Variants in CTNND2 observed in about 807,000 individuals in gnomAD.
CTNND2 encodes catenin delta-2.
CTNND2 carries 22 observed loss-of-function variants against 144.4 expected under a neutral mutation model. The observed-to-expected ratio is 0.15, with a 90% CI of 0.11 to 0.22. CTNND2 has a LOEUF of 0.22. Ranked by LOEUF, CTNND2 falls within the 10% of genes least tolerant of loss-of-function variation. CTNND2 has a pLI of 1.00. For synonymous variants in CTNND2, 751 were observed against 695.6 expected (o/e 1.08, Z -1.25); for missense variants, 1,353 against 1,618.8 (o/e 0.84, Z 2.82).
At chr5:11,297,363 C>A (rs1159408126) in intron 9 of CTNND2, among the ~76,000 whole-genome samples, 1 of 152,184 alleles carries the variant, frequency 6.6e-6, no homozygotes, top group Non-Finnish European at 1.5e-5. Context: ...GTAGCCAGAT[C>A]TTCTTGATAT....
chr5:11,547,444 C>G (rs1004361746), intron 3 of CTNND2, among the ~76,000 whole-genome samples: 1 of 151,652 alleles, frequency 6.6e-6, no homozygotes, highest in Non-Finnish European at 1.5e-5. Flanking sequence ...AACATTAAAA[C>G]CAAGCATTCT....
At chr5:11,874,069 T>G (rs1020421010) in intron 1 of CTNND2, among the ~76,000 whole-genome samples, 1 of 150,176 alleles carries the variant, frequency 6.7e-6, no homozygotes, top group African/African-American at 2.4e-5. Context: ...CAGCCTTAGT[T>G]TGAGAGCAAA....
chr5:10,981,365 T>G (rs1189880297), intron 21 of CTNND2, among the ~76,000 whole-genome samples: 1 of 152,242 alleles, frequency 6.6e-6, no homozygotes, highest in African/African-American at 2.4e-5. Flanking sequence ...TTGGTAGTGA[T>G]CATGTATAAT....
rs1054430550 is a variant in CTNND2, at chr5:11,264,917, T to A, written c.1629-28094A>T. On this transcript the variant is annotated intron_variant, in intron 9 of 21. Transcript: ENST00000304623. ...CTGCACTCCAGCCTGGGTGACAGAG[T>A]AAGACCCCGTCTCATTAAAAAATAA... 1.1e-4 allele frequency among the ~76,000 whole-genome samples: 16 copies of A among 152,058 alleles called. 1 individual carries two copies. The highest frequency in any genetic ancestry group is 5.9e-4 in the Admixed American group (9 of 15,268).
intron 6 of CTNND2, among the ~76,000 whole-genome samples, chr5:11,395,910 T>G (rs1290695739): frequency 6.6e-6 from 1 of 152,224 alleles, no homozygotes; most frequent in African/African-American, 2.4e-5. Context: ...TGCATTCATT[T>G]TTTGGGGCCA....
At chr5:11,196,718 G>A (rs1736890998) in intron 11 of CTNND2, among the ~76,000 whole-genome samples, 1 of 152,174 alleles carries the variant, frequency 6.6e-6, no homozygotes, top group Non-Finnish European at 1.5e-5. Context: ...GGACATGTTT[G>A]TCAGGCCTAT....
chr5:11,673,421 C>A (rs930078046), intron 2 of CTNND2, among the ~76,000 whole-genome samples: 2 of 151,966 alleles, frequency 1.3e-5, no homozygotes, highest in African/African-American at 2.4e-5. Context: ...GTTTTGTGGT[C>A]TTTTTATTTT....
chr5:11,286,376 T>C (rs1027706247), intron 9 of CTNND2, among the ~76,000 whole-genome samples: 4 of 152,206 alleles, frequency 2.6e-5, no homozygotes, highest in African/African-American at 4.8e-5. Context: ...TCACATGTCT[T>C]AAGTTATTAA....
chr5:11,699,309 C>G (rs1296283307), intron 2 of CTNND2, among the ~76,000 whole-genome samples: 2 of 151,922 alleles, frequency 1.3e-5, no homozygotes, highest in Non-Finnish European at 2.9e-5. Context: ...TGTGGAATCA[C>G]AGAAGCATGA....
intron 5 of CTNND2, among the ~76,000 whole-genome samples, chr5:11,398,617 T>A (rs1760352709): frequency 1.3e-5 from 2 of 151,834 alleles, no homozygotes; most frequent in Admixed American, 6.6e-5. Flanking sequence ...GAAATAAAAG[T>A]GTTTTCATCC....
At chr5:11,774,245 G>A (rs1166993719) in intron 1 of CTNND2, among the ~76,000 whole-genome samples, 1 of 152,016 alleles carries the variant, frequency 6.6e-6, no homozygotes, top group Non-Finnish European at 1.5e-5. Context: ...TACTGAGAAT[G>A]ATGATTTCCG....
chr5:11,654,938 T>C (rs1442467102), intron 2 of CTNND2, among the ~76,000 whole-genome samples: 1 of 152,070 alleles, frequency 6.6e-6, no homozygotes, highest in East Asian at 1.9e-4. Context: ...ACCTAATTGG[T>C]TGGGAGTTTT....
chr5:11,638,914 T>C (rs1781848203), intron 2 of CTNND2, among the ~76,000 whole-genome samples: 1 of 152,158 alleles, frequency 6.6e-6, no homozygotes, highest in Non-Finnish European at 1.5e-5. Context: ...TCTTATTTCT[T>C]TATACGCAAA....
At chr5:11,260,296 T>C (rs1275643638) in intron 9 of CTNND2, among the ~76,000 whole-genome samples, 1 of 152,208 alleles carries the variant, frequency 6.6e-6, no homozygotes, top group African/African-American at 2.4e-5. Context: ...GTCTATATGA[T>C]GCTATTAAAT....
chr5:11,097,422 T>C (rs1433298895), intron 15 of CTNND2, among the ~76,000 whole-genome samples: 1 of 152,182 alleles, frequency 6.6e-6, no homozygotes, highest in Non-Finnish European at 1.5e-5. Context: ...GGGCTAATTA[T>C]GCCCATTCCT....
intron 13 of CTNND2, among the ~76,000 whole-genome samples, chr5:11,115,700 G>A (rs1753473028): frequency 1.3e-5 from 2 of 152,212 alleles, no homozygotes; most frequent in African/African-American, 2.4e-5. Context: ...AAAACACACA[G>A]TCAGTGAATG....
intron 3 of CTNND2, among the ~76,000 whole-genome samples, chr5:11,468,633 G>A (rs55804736): frequency 1.3e-5 from 2 of 152,226 alleles, no homozygotes; most frequent in Non-Finnish European, 2.9e-5. Context: ...AGGCTTTAAC[G>A]TTAATGACTA....
At chr5:11,733,096 C>T (rs1787483634) in intron 1 of CTNND2, among the ~76,000 whole-genome samples, 1 of 152,120 alleles carries the variant, frequency 6.6e-6, no homozygotes, top group African/African-American at 2.4e-5. Context: ...CTTGTGATAT[C>T]CTCTGAAATA....
intron 3 of CTNND2, among the ~76,000 whole-genome samples, chr5:11,475,808 G>C (rs1767671636): frequency 6.6e-6 from 1 of 151,840 alleles, no homozygotes; most frequent in Non-Finnish European, 1.5e-5. Context: ...AACCTGGATG[G>C]ACTCTTACCA....
Sources: allele counts gnomAD v4.1 joint callset (sites outside exome capture counted in the v4.1 genomes callset), GRCh38; gene constraint gnomAD v4.1.1; transcripts MANE v1.5; gene names NCBI Gene and HGNC (gene_info 2026-07-23, HGNC 2026-07-21).